The following EFCAB7 variants were observed in gnomAD, a reference collection of about 807,000 sequenced individuals.
EFCAB7 encodes the protein EF-hand calcium binding domain 7.
EFCAB7 carries 66 observed loss-of-function variants against 77.1 expected under a neutral mutation model. The ratio of observed to expected loss-of-function variants is 0.86; its 90% CI spans 0.70 to 1.05. EFCAB7 has a LOEUF of 1.05. Ranked by LOEUF, EFCAB7 falls within the 50% of genes least tolerant of loss-of-function variation. The pLI is 0.00. For missense variants in EFCAB7, 638 were observed against 730.5 expected (o/e 0.87, Z 1.46); for synonymous variants, 225 against 243.3 (o/e 0.92, Z 0.70).
intron 11 of EFCAB7, among the ~76,000 whole-genome samples, chr1:63,564,910 C>T (rs935506439): frequency 1.3e-5 from 2 of 152,202 alleles, no homozygotes; most frequent in Non-Finnish European, 2.9e-5. Context: ...TAAGACTGCA[C>T]ACCTACACCT....
Position 63,531,883 on chromosome 1 carries a change from C to G in EFCAB7, c.251C>G (p.Thr84Ser), listed in dbSNP as rs1295715964. ...ATTAATAAGTATTGGACTCCTCAAA[C>G]TGCCAAACTGAATTTTGATGATTTT... ...KTINKYWTPQ[T>S]AKLNFDDFCI... The change falls in exon 3 of 14, where the codon ACT becomes AGT. Residue 84 changes from threonine (T) to serine (S), a missense_variant. Coordinates refer to ENST00000371088, the MANE Select transcript of EFCAB7 (RefSeq NM_032437.4). 6.2e-7 allele frequency: 1 copy of G among 1,613,306 alleles called. No homozygotes were observed. Among genetic ancestry groups the G allele is most frequent in the Admixed American group, 1.7e-5 (1 of 59,976 alleles).
chr1:63,529,914 T>C (rs1646665189), intron 2 of EFCAB7: 1 of 151,992 alleles, frequency 6.6e-6, no homozygotes, highest in African/African-American at 2.4e-5. Context: ...TTTGTATTTT[T>C]AGTAGAGACA....
chr1:63,530,083 G>T (rs942967941), intron 2 of EFCAB7, among the ~76,000 whole-genome samples: 2 of 152,066 alleles, frequency 1.3e-5, no homozygotes, highest in Admixed American at 1.3e-4. Context: ...AGTTTGTATT[G>T]ATGAACAAAA....
intron 11 of EFCAB7, among the ~76,000 whole-genome samples, chr1:63,563,836 A>C (rs1021431325): frequency 6.6e-6 from 1 of 152,182 alleles, no homozygotes; most frequent in Admixed American, 6.5e-5. Context: ...GTATCAGCCT[A>C]TGAAGATCCT....
Position 63,568,293 on chromosome 1 carries a change from T to G in EFCAB7, c.1498-17T>G. On this transcript the variant is annotated splice_polypyrimidine_tract_variant and intron_variant, in intron 11 of 13. Transcript: ENST00000371088. ...ATTCTATCAAAAGGCTGAAACAAGA[T>G]TTTTTTTTCCTATCAGGCATGTCCA... 6.5e-7 allele frequency: 1 copy of G among 1,538,306 alleles called. No homozygotes were observed. The highest frequency in any genetic ancestry group is 8.8e-7 in the Non-Finnish European group (1 of 1,136,266).
chr1:63,575,131 A>G (rs1647375807), downstream of EFCAB7, among the ~76,000 whole-genome samples: 2 of 152,154 alleles, frequency 1.3e-5, no homozygotes, highest in African/African-American at 4.8e-5. Flanking sequence ...TAAATTATAG[A>G]CTTACATGAT....
the EFCAB7 span, among the ~76,000 whole-genome samples, chr1:63,579,586 T>C: frequency 6.6e-6 from 1 of 152,374 alleles, no homozygotes; most frequent in Non-Finnish European, 1.5e-5. Flanking sequence ...CTGGATCATA[T>C]GGTAAATATA....
intron 10 of EFCAB7, among the ~76,000 whole-genome samples, chr1:63,559,538 C>G (rs975822230): frequency 6.6e-6 from 1 of 152,124 alleles, no homozygotes; most frequent in Non-Finnish European, 1.5e-5. Flanking sequence ...TCTCAACTCA[C>G]TGCAACCCCT....
intron 6 of EFCAB7, among the ~76,000 whole-genome samples, chr1:63,545,452 A>G (rs1373820560): frequency 6.6e-6 from 1 of 152,110 alleles, no homozygotes; most frequent in African/African-American, 2.4e-5. Context: ...TGTGTTAACC[A>G]TATATTACTG....
the EFCAB7 span, among the ~76,000 whole-genome samples, chr1:63,580,527 G>A: frequency 2.6e-5 from 4 of 152,102 alleles, no homozygotes; most frequent in African/African-American, 4.8e-5. Context: ...CAATGGTACT[G>A]TTCTTTTCCA....
chr1:63,568,353 CA>C lies in EFCAB7; in HGVS notation c.1546del (p.Ile516LeufsTer29), dbSNP rs1431958723. ...VIDIYAEKCK[P>X]KIKAVHMEAC... Reference sequence around the variant, plus strand: ...GATATCTATGCAGAAAAATGCAAGCCAAAAATTAAAGCTGTCCATATGGAGG... The same window carrying C: ...GATATCTATGCAGAAAAATGCAAGCCAAAATTAAAGCTGTCCATATGGAGG... On this transcript the variant is annotated frameshift_variant, in exon 12 of 14. Coordinates refer to ENST00000371088, the MANE Select transcript of EFCAB7 (RefSeq NM_032437.4). LOFTEE classifies it high-confidence loss of function. 1.3e-6 allele frequency: 2 copies of C among 1,599,948 alleles called. No individual in the cohort carries two copies. Among genetic ancestry groups the C allele is most frequent in the East Asian group, 4.5e-5 (2 of 44,230 alleles).
chr1:63,540,624 AC>A (rs1646817227), intron 6 of EFCAB7, among the ~76,000 whole-genome samples: 1 of 152,030 alleles, frequency 6.6e-6, no homozygotes, highest in African/African-American at 2.4e-5. Flanking sequence ...ATTCATATCT[AC>A]CCCATACTGC....
At chr1:63,539,414 G>A (rs1646802302) in intron 6 of EFCAB7, among the ~76,000 whole-genome samples, 1 of 152,062 alleles carries the variant, frequency 6.6e-6, no homozygotes. Context: ...TAAAAGTATG[G>A]AATCCCGATT....
the EFCAB7 span, among the ~76,000 whole-genome samples, chr1:63,582,639 G>A: frequency 8.3e-4 from 127 of 152,230 alleles, 1 homozygote; most frequent in East Asian, 0.02. Context: ...ATGCAGTCTC[G>A]CTCTGCCTCC....
At chr1:63,554,103 A>G (rs76277977) in intron 8 of EFCAB7, among the ~76,000 whole-genome samples, 2 of 151,956 alleles carry the variant, frequency 1.3e-5, no homozygotes, top group South Asian at 4.2e-4. Flanking sequence ...GATGATAGGT[A>G]TGAGCCACCG....
downstream of EFCAB7, among the ~76,000 whole-genome samples, chr1:63,577,107 C>G (rs767843330): frequency 4.0e-5 from 6 of 149,278 alleles, no homozygotes; most frequent in African/African-American, 1.2e-4. Context: ...AGATCTGCCA[C>G]TGACTCCAGC....
At chr1:63,574,765 T>A (rs1292658365), downstream of EFCAB7, among the ~76,000 whole-genome samples, 1 of 152,188 alleles carries the variant, frequency 6.6e-6, no homozygotes, top group Non-Finnish European at 1.5e-5. Context: ...TTTCTGCCCA[T>A]ATAACAGCAT....
intron 7 of EFCAB7, chr1:63,548,635 C>T (rs1646927679): frequency 6.6e-6 from 1 of 152,176 alleles, no homozygotes. Context: ...TCTTCCTGTT[C>T]TGCTCCACCA....
At chr1:63,550,052 A>G (rs1394757341) in intron 7 of EFCAB7, 1 of 152,672 alleles carries the variant, frequency 6.5e-6, no homozygotes, top group Admixed American at 6.5e-5. Context: ...ATTATTTGCT[A>G]TAGGGTTAGA....
Sources: gnomAD v4.1 joint callset for allele counts (sites outside exome capture counted in the v4.1 genomes callset) on GRCh38, gnomAD v4.1.1 for gene constraint, MANE v1.5 for transcripts, NCBI Gene and HGNC (gene_info 2026-07-23, HGNC 2026-07-21) for gene names.